MLXIPL: variants seen among roughly 807,000 people sequenced by gnomAD.
The protein encoded by MLXIPL is carbohydrate-responsive element-binding protein.
MLXIPL carries 49 observed loss-of-function variants against 81.5 expected under a neutral mutation model. The ratio of observed to expected loss-of-function variants is 0.60; its 90% CI spans 0.48 to 0.76. The LOEUF is 0.76. MLXIPL is among the 30% of genes least tolerant of loss of function. The probability of loss-of-function intolerance (pLI) is 0.00; values close to 1 mark genes in which losing one functional copy is unlikely to be tolerated. For missense variants in MLXIPL, 1,053 were observed against 1,167.0 expected (o/e 0.90, Z 1.42); for synonymous variants, 466 against 485.5 (o/e 0.96, Z 0.53).
chr7:73,622,967 T>C (rs942170641), intron 1 of MLXIPL, among the ~76,000 whole-genome samples: 1 of 152,154 alleles, frequency 6.6e-6, no homozygotes, highest in Non-Finnish European at 1.5e-5. Flanking sequence ...TTAGATGCCC[T>C]GTCCCAGGCA....
the MLXIPL span, among the ~76,000 whole-genome samples, chr7:73,636,592 G>A: frequency 7.2e-5 from 11 of 152,156 alleles, no homozygotes; most frequent in East Asian, 1.9e-3. Flanking sequence ...CAGCTCCCTC[G>A]GAGCACAGGC....
intron 2 of MLXIPL, among the ~76,000 whole-genome samples, chr7:73,613,653 A>G (rs1258915042): frequency 2.6e-5 from 4 of 152,190 alleles, no homozygotes; most frequent in Non-Finnish European, 5.9e-5. Context: ...TTTCACAAAT[A>G]GCAAGCTTCG....
At chr7:73,621,177 T>C (rs1355110162) in intron 1 of MLXIPL, among the ~76,000 whole-genome samples, 1 of 151,796 alleles carries the variant, frequency 6.6e-6, no homozygotes, top group Non-Finnish European at 1.5e-5. Flanking sequence ...GGAATTCCTT[T>C]TAGATTGCCC....
chr7:73,644,712 C>A, the MLXIPL span, among the ~76,000 whole-genome samples: 1 of 152,158 alleles, frequency 6.6e-6, no homozygotes, highest in African/African-American at 2.4e-5. Flanking sequence ...TGTCAGAGAA[C>A]CAGGAGCTGT....
Position 73,596,029 on chromosome 7 carries a change from G to A in MLXIPL, c.2059-60C>T. 16 of 1,606,338 alleles carry A rather than the reference G, an allele frequency of 1.0e-5. No homozygotes were observed. Among genetic ancestry groups the A allele is most frequent in the Non-Finnish European group, 1.4e-5 (16 of 1,178,652 alleles). ...TAGAGGCTGTACCCTGGGACCCACT[G>A]AGGCACTGGGATGGGAGGAGGCAAG... On this transcript the variant is annotated intron_variant, in intron 13 of 16. Coordinates refer to ENST00000313375, the MANE Select transcript of MLXIPL (RefSeq NM_032951.3). The surrounding 1 kb of genome is among the most constrained non-coding windows in gnomAD (Gnocchi z 4.7).
At chr7:73,602,989 C>G (rs975356542) in intron 7 of MLXIPL, among the ~76,000 whole-genome samples, 36 of 152,214 alleles carry the variant, frequency 2.4e-4, no homozygotes, top group African/African-American at 8.2e-4. Context: ...CCAGCCCGAG[C>G]TGCTCACCAG....
At chr7:73,601,879 G>A (rs1794852973) in intron 7 of MLXIPL, among the ~76,000 whole-genome samples, 2 of 152,076 alleles carry the variant, frequency 1.3e-5, no homozygotes, top group African/African-American at 2.4e-5. Context: ...CAGAGCCTGT[G>A]TGTTGCAGTC....
chr7:73,637,311 C>T, the MLXIPL span, among the ~76,000 whole-genome samples: 1 of 151,778 alleles, frequency 6.6e-6, no homozygotes, highest in Non-Finnish European at 1.5e-5. Context: ...AACCCCGTCT[C>T]TCCTAAATAC....
chr7:73,597,736 A>C, intron 8 of MLXIPL, 23 bp from the exon 9 acceptor site: 2 of 1,334,754 alleles, frequency 1.5e-6, no homozygotes, highest in Non-Finnish European at 1.9e-6. Flanking sequence ...ACAGACAGAC[A>C]CTCAGAGAGC....
At chr7:73,646,695 T>C in the MLXIPL span, among the ~76,000 whole-genome samples, 4 of 152,282 alleles carry the variant, frequency 2.6e-5, no homozygotes, top group African/African-American at 9.6e-5. Context: ...TCCCAGAAGC[T>C]ACCCTAGGCT....
At chr7:73,601,586 G>A (rs571144213) in intron 7 of MLXIPL, among the ~76,000 whole-genome samples, 7 of 152,092 alleles carry the variant, frequency 4.6e-5, no homozygotes, top group Non-Finnish European at 1.0e-4. Context: ...GTTGGAATGC[G>A]GTGGCACCAT....
At chr7:73,646,466 T>G in the MLXIPL span, among the ~76,000 whole-genome samples, 13 of 152,150 alleles carry the variant, frequency 8.5e-5, no homozygotes, top group Non-Finnish European at 1.6e-4. Context: ...TCCTGGACCC[T>G]GGCTCTGAGC....
intron 14 of MLXIPL, 40 bp from the exon 15 acceptor site, chr7:73,595,800 G>A: frequency 1.9e-6 from 3 of 1,581,328 alleles, no homozygotes; most frequent in South Asian, 2.3e-5. Flanking sequence ...GGGTAAGGCG[G>A]CATGGCCCCC....
At chr7:73,646,437 A>C in the MLXIPL span, among the ~76,000 whole-genome samples, 1 of 152,136 alleles carries the variant, frequency 6.6e-6, no homozygotes, top group Admixed American at 6.6e-5. Context: ...ACAGGATTCC[A>C]AGACACCAGG....
intron 7 of MLXIPL, among the ~76,000 whole-genome samples, chr7:73,601,176 AGTGTGTGTGTGTGTGTGTGTGTGTGTGT>A (rs55639253): frequency 1.9e-4 from 26 of 137,654 alleles, no homozygotes; most frequent in Admixed American, 6.5e-4. Context: ...TGCAGGGTCA[AGTGTGTGTGTGTGTGTGTGTGTGTGTGT>A]GTGTGTGTGT....
Position 73,597,587 on chromosome 7 carries a change from G to T in MLXIPL, c.1198C>A (p.Pro400Thr). 1 of 1,322,492 alleles carries T rather than the reference G, an allele frequency of 7.6e-7. No homozygotes were observed. The allele number at this position is 1,322,492 out of a possible 1,614,324, so 81.9% of individuals were successfully genotyped here. The change falls in exon 9 of 17, where the codon CCC (proline) becomes ACC (threonine). Residue 400 changes from proline (P) to threonine (T), a missense_variant. Pro to Thr is a conservative substitution (Grantham distance 38). Transcript: ENST00000313375. ...PVPPPLLHYP[P>T]PAKVPGLEPC... ...TCCAGGCCTGGCACCTTGGCAGGGGGAGGGTAATGCAGCAGAGGTGGGGGT... is the reference window on the plus strand; with the variant it reads ...TCCAGGCCTGGCACCTTGGCAGGGGTAGGGTAATGCAGCAGAGGTGGGGGT...
chr7:73,594,899 G>A (rs1313856670), intron 15 of MLXIPL, among the ~76,000 whole-genome samples: 1 of 141,738 alleles, frequency 7.1e-6, no homozygotes, highest in Non-Finnish European at 1.5e-5. Context: ...AGGCTGGAAT[G>A]CAGTGGCACA....
At chr7:73,645,565 G>A in the MLXIPL span, among the ~76,000 whole-genome samples, 2 of 152,202 alleles carry the variant, frequency 1.3e-5, no homozygotes, top group South Asian at 2.1e-4. Flanking sequence ...TGACCTGGGA[G>A]GTTGGGGGTC....
intron 2 of MLXIPL, among the ~76,000 whole-genome samples, chr7:73,612,827 C>A (rs782437626): frequency 6.6e-6 from 1 of 152,044 alleles, no homozygotes; most frequent in Non-Finnish European, 1.5e-5. Flanking sequence ...CACTCAGCCG[C>A]GGAACCCTTT....
Sources: allele counts gnomAD v4.1 joint callset (sites outside exome capture counted in the v4.1 genomes callset), GRCh38; gene constraint gnomAD v4.1.1; non-coding constraint Gnocchi (gnomAD v3.1); transcripts MANE v1.5; gene names NCBI Gene and HGNC (gene_info 2026-07-23, HGNC 2026-07-21).